Variants in AGBL1 observed in about 807,000 individuals in gnomAD.
The protein encoded by AGBL1 is AGBL carboxypeptidase 1.
In AGBL1, 130 loss-of-function variants were observed where a neutral mutation model predicts 118.9. That is an observed-to-expected ratio of 1.09 (90% CI 0.95 to 1.26). The LOEUF (loss-of-function observed/expected upper bound fraction) is 1.26. Among genes scored for constraint, AGBL1 ranks in the 50% most tolerant of loss-of-function variants. AGBL1 has a pLI of 0.00. For synonymous variants in AGBL1, 555 were observed against 478.9 expected (o/e 1.16, Z -2.08); for missense variants, 1,584 against 1,298.1 (o/e 1.22, Z -3.38).
At chr15:86,127,523 T>C (rs1238276180) in intron 1 of AGBL1, among the ~76,000 whole-genome samples, 2 of 152,166 alleles carry the variant, frequency 1.3e-5, no homozygotes, top group African/African-American at 2.4e-5. Flanking sequence ...AAGGGAAAGA[T>C]GGCATCCACC....
At chr15:86,592,909 G>A (rs905941333) in intron 21 of AGBL1, among the ~76,000 whole-genome samples, 1 of 152,126 alleles carries the variant, frequency 6.6e-6, no homozygotes, top group African/African-American at 2.4e-5. Context: ...GCTTATATCT[G>A]CCTAGCTACC....
chr15:86,870,435 A>G (rs1395907372), intron 22 of AGBL1, among the ~76,000 whole-genome samples: 1 of 137,852 alleles, frequency 7.3e-6, no homozygotes, highest in African/African-American at 2.7e-5. Flanking sequence ...CTGTGGCAAG[A>G]AAAAAGTAAA....
chr15:86,222,399 C>G (rs1450742428), intron 5 of AGBL1, among the ~76,000 whole-genome samples: 1 of 152,138 alleles, frequency 6.6e-6, no homozygotes, highest in African/African-American at 2.4e-5. Context: ...TCTACCTAGC[C>G]TAACTATTCC....
At chr15:86,458,482 CA>C (rs2082288973) in intron 18 of AGBL1, among the ~76,000 whole-genome samples, 1 of 151,994 alleles carries the variant, frequency 6.6e-6, no homozygotes, top group African/African-American at 2.4e-5. Flanking sequence ...ACATGTATAC[CA>C]TTCATTCCAC....
At chr15:86,131,881 C>T (rs541294218) in intron 1 of AGBL1, among the ~76,000 whole-genome samples, 2 of 150,680 alleles carry the variant, frequency 1.3e-5, no homozygotes, top group African/African-American at 4.9e-5. Context: ...AGGTGGGCTG[C>T]AGTCCAGTTG....
intron 7 of AGBL1, among the ~76,000 whole-genome samples, chr15:86,248,639 C>A (rs949524343): frequency 3.3e-5 from 5 of 151,938 alleles, no homozygotes; most frequent in African/African-American, 1.2e-4. Context: ...GACTGAACTG[C>A]GTTGTGAGGA....
At chr15:86,867,901 A>G (rs982241309) in intron 22 of AGBL1, among the ~76,000 whole-genome samples, 1 of 152,208 alleles carries the variant, frequency 6.6e-6, no homozygotes, top group Non-Finnish European at 1.5e-5. Flanking sequence ...AGATATCCCA[A>G]TGAACCCAGA....
At chr15:86,313,214 G>A (rs1443413276) in intron 17 of AGBL1, among the ~76,000 whole-genome samples, 1 of 152,080 alleles carries the variant, frequency 6.6e-6, no homozygotes, top group East Asian at 1.9e-4. Flanking sequence ...TTTCTTTGAG[G>A]TCGATTTTCT....
intron 21 of AGBL1, among the ~76,000 whole-genome samples, chr15:86,640,662 C>T (rs1474371058): frequency 6.6e-6 from 1 of 152,068 alleles, no homozygotes; most frequent in African/African-American, 2.4e-5. Context: ...CTGTCTCTTT[C>T]CTAATATGAA....
At chr15:86,965,063 G>C (rs1202576169) in intron 23 of AGBL1, among the ~76,000 whole-genome samples, 1 of 152,044 alleles carries the variant, frequency 6.6e-6, no homozygotes, top group Non-Finnish European at 1.5e-5. Flanking sequence ...CCAAGTCTTT[G>C]CTATTGTGAA....
chr15:86,839,935 T>G (rs1191999286), intron 22 of AGBL1, among the ~76,000 whole-genome samples: 2 of 152,228 alleles, frequency 1.3e-5, no homozygotes, highest in African/African-American at 4.8e-5. Flanking sequence ...TCTATGAATT[T>G]TTTATGCATA....
chr15:86,578,046 C>A (rs1188092325), intron 21 of AGBL1, among the ~76,000 whole-genome samples: 1 of 152,134 alleles, frequency 6.6e-6, no homozygotes, highest in Non-Finnish European at 1.5e-5. Flanking sequence ...GTCCTCCAGA[C>A]CCCAGAATGG....
intron 24 of AGBL1, among the ~76,000 whole-genome samples, chr15:87,001,270 A>G (rs971930033): frequency 6.6e-6 from 1 of 151,636 alleles, no homozygotes; most frequent in Non-Finnish European, 1.5e-5. Flanking sequence ...ACTATGTTGA[A>G]TAGGAGTGGT....
chr15:86,300,166 G>A (rs2079723310), intron 17 of AGBL1, among the ~76,000 whole-genome samples: 1 of 152,050 alleles, frequency 6.6e-6, no homozygotes, highest in African/African-American at 2.4e-5. Flanking sequence ...CTATTACCCA[G>A]AAATGCACAC....
At chr15:86,086,460 C>A (rs1363211180) in intron 1 of AGBL1, 2 of 152,078 alleles carry the variant, frequency 1.3e-5, no homozygotes, top group Non-Finnish European at 2.9e-5. Context: ...CATAGGTCTG[C>A]AAATCAGGTT....
chr15:86,359,096 C>T (rs1284903643), intron 17 of AGBL1, among the ~76,000 whole-genome samples: 1 of 151,888 alleles, frequency 6.6e-6, no homozygotes, highest in Non-Finnish European at 1.5e-5. Context: ...AGTCATCACC[C>T]AGGCCAATAT....
intron 18 of AGBL1, among the ~76,000 whole-genome samples, chr15:86,475,653 G>A (rs2082547370): frequency 6.6e-6 from 1 of 152,182 alleles, no homozygotes; most frequent in South Asian, 2.1e-4. Flanking sequence ...ACACTCGGCA[G>A]GATATTATCC....
chr15:86,773,361 G>A (rs2078208504), intron 22 of AGBL1, among the ~76,000 whole-genome samples: 1 of 151,976 alleles, frequency 6.6e-6, no homozygotes, highest in Non-Finnish European at 1.5e-5. Context: ...TCTCTCTCCG[G>A]AAATCTAACT....
At chr15:86,270,091 G>T (rs2079135239) in intron 14 of AGBL1, 24 bp downstream of exon 14, 3 of 1,597,868 alleles carry the variant, frequency 1.9e-6, no homozygotes, top group Non-Finnish European at 1.7e-6. Flanking sequence ...GGGAGCAGGG[G>T]CTTTCTGGAA....
Sources: gnomAD v4.1 joint callset for allele counts (sites outside exome capture counted in the v4.1 genomes callset) on GRCh38, gnomAD v4.1.1 for gene constraint, MANE v1.5 for transcripts, NCBI Gene and HGNC (gene_info 2026-07-23, HGNC 2026-07-21) for gene names.